Variants in PCDH15 observed in about 807,000 individuals in gnomAD.
PCDH15 encodes the protein protocadherin related 15, also known as protocadherin-15.
In PCDH15, 129 loss-of-function variants were observed where a neutral mutation model predicts 178.5. The ratio of observed to expected loss-of-function variants is 0.72; its 90% CI spans 0.63 to 0.84. The LOEUF (loss-of-function observed/expected upper bound fraction) is 0.84. Among genes scored for constraint, PCDH15 ranks in the 40% least tolerant of loss-of-function variants. The pLI, the probability that PCDH15 is intolerant of heterozygous loss-of-function variation, is 0.00. For missense variants in PCDH15, 2,230 were observed against 2,099.9 expected (o/e 1.06, Z -1.21); for synonymous variants, 800 against 732.0 (o/e 1.09, Z -1.50).
intron 2 of PCDH15, among the ~76,000 whole-genome samples, chr10:54,632,041 G>A (rs1016354524): frequency 1.3e-5 from 2 of 152,008 alleles, no homozygotes; most frequent in African/African-American, 2.4e-5. Context: ...CAACCTAAGT[G>A]TCCATAGATT....
intron 2 of PCDH15, among the ~76,000 whole-genome samples, chr10:55,435,436 G>A (rs1238982651): frequency 6.6e-6 from 1 of 152,092 alleles, no homozygotes; most frequent in Non-Finnish European, 1.5e-5. Flanking sequence ...ACAAATTAGT[G>A]AGAACATTTG....
rs1322691427 is a variant in PCDH15 at position 55,591,206 on chromosome 10, T to C, written c.-156+36419A>G. On this transcript the variant is annotated intron_variant, in intron 2 of 5. Coordinates refer to the PCDH15 transcript ENST00000613346. ...CTGGTGTGGTGGCTCACACCTGTCA[T>C]CCCAGCTCCTGAGTCCAGAAGTTTG... 2.0e-5 allele frequency among the ~76,000 whole-genome samples: 3 copies of C among 152,066 alleles called. No individual in the cohort carries two copies. In the East Asian group the frequency reaches 5.8e-4, roughly 29 times the overall value.
chr10:54,346,608 C>T, intron 5 of PCDH15, 124 bp from the exon 6 acceptor site: 1 of 1,070,828 alleles, frequency 9.3e-7, no homozygotes, highest in Non-Finnish European at 1.4e-6. Context: ...CCCACAACCA[C>T]AAACTGAAGT....
chr10:54,245,951 A>G (rs977170454), intron 8 of PCDH15, among the ~76,000 whole-genome samples: 1 of 151,970 alleles, frequency 6.6e-6, no homozygotes, highest in African/African-American at 2.4e-5. Context: ...ATAAATCAAT[A>G]GTTCACAGTC....
At chr10:54,041,591 C>T (rs921415588) in intron 18 of PCDH15, among the ~76,000 whole-genome samples, 1 of 152,004 alleles carries the variant, frequency 6.6e-6, no homozygotes, top group African/African-American at 2.4e-5. Flanking sequence ...TTTAACCCGG[C>T]CTCCTGAAAA....
At chr10:55,608,659 T>C (rs1268698672) in intron 2 of PCDH15, among the ~76,000 whole-genome samples, 1 of 151,950 alleles carries the variant, frequency 6.6e-6, no homozygotes, top group East Asian at 2.0e-4. Flanking sequence ...AAGAAGACTT[T>C]AATCAGGTGC....
At chr10:55,413,571 G>A (rs1023664915) in intron 2 of PCDH15, among the ~76,000 whole-genome samples, 1 of 151,358 alleles carries the variant, frequency 6.6e-6, no homozygotes, top group Admixed American at 6.6e-5. Flanking sequence ...ATCTATCTAT[G>A]TATTTTTTTC....
intron 1 of PCDH15, among the ~76,000 whole-genome samples, chr10:54,752,476 C>CAAAAAAAAAAAAAA (rs755874514): frequency 7.8e-5 from 7 of 89,688 alleles, no homozygotes; most frequent in Non-Finnish European, 1.2e-4. Flanking sequence ...GACTCCGTCT[C>CAAAAAAAAAAAAAA]AAAAAAAAAA....
chr10:54,672,603 A>C (rs1489876661), intron 1 of PCDH15, among the ~76,000 whole-genome samples: 3 of 152,202 alleles, frequency 2.0e-5, no homozygotes, highest in African/African-American at 7.2e-5. Flanking sequence ...TCCAGACAAC[A>C]GCCCTCAGTC....
At chr10:54,484,605 TA>T (rs2078966332) in intron 3 of PCDH15, among the ~76,000 whole-genome samples, 1 of 152,006 alleles carries the variant, frequency 6.6e-6, no homozygotes, top group Non-Finnish European at 1.5e-5. Flanking sequence ...CAAGCCACAT[TA>T]ATGAATTGAG....
chr10:54,718,277 A>C (rs922708633), intron 1 of PCDH15, among the ~76,000 whole-genome samples: 1 of 152,080 alleles, frequency 6.6e-6, no homozygotes, highest in Admixed American at 6.6e-5. Context: ...TAATAATAAA[A>C]AGAAAATGAG....
chr10:54,429,536 G>T (rs945784911), intron 3 of PCDH15, among the ~76,000 whole-genome samples: 1 of 151,854 alleles, frequency 6.6e-6, no homozygotes, highest in Non-Finnish European at 1.5e-5. Flanking sequence ...ACACAGAATG[G>T]CTATGGCTGA....
intron 21 of PCDH15, among the ~76,000 whole-genome samples, chr10:53,970,336 A>G (rs940881857): frequency 1.1e-4 from 16 of 152,202 alleles, no homozygotes; most frequent in African/African-American, 2.9e-4. Context: ...TGCACCCAAT[A>G]CAGGAGCACC....
intron 15 of PCDH15, among the ~76,000 whole-genome samples, chr10:54,124,832 C>G (rs1013415566): frequency 2.0e-5 from 3 of 152,112 alleles, no homozygotes; most frequent in Admixed American, 6.5e-5. Flanking sequence ...ATTTCTAGAA[C>G]CTTTCAAAGA....
chr10:54,167,145 G>C (rs191402463), intron 13 of PCDH15, among the ~76,000 whole-genome samples: 1 of 152,118 alleles, frequency 6.6e-6, no homozygotes. Flanking sequence ...GCCGTGACTC[G>C]GATCGGGGGA....
At chr10:53,823,901 G>A in intron 32 of PCDH15, 1 of 396,072 alleles carries the variant, frequency 2.5e-6, no homozygotes, top group Non-Finnish European at 5.3e-6. Flanking sequence ...ATGGGAGTTT[G>A]TCTCACAGCC....
At chr10:54,162,292 A>G (rs1030926550) in intron 13 of PCDH15, among the ~76,000 whole-genome samples, 2 of 152,140 alleles carry the variant, frequency 1.3e-5, no homozygotes, top group African/African-American at 2.4e-5. Flanking sequence ...AGACTTTACT[A>G]TCAACTCCAT....
At chr10:54,069,362 T>C (rs892419953) in intron 17 of PCDH15, among the ~76,000 whole-genome samples, 2 of 152,194 alleles carry the variant, frequency 1.3e-5, no homozygotes. Flanking sequence ...CTTAAGTGGA[T>C]AATGAAGAAT....
At chr10:54,816,456 A>G (rs1439306860) in intron 3 of PCDH15, among the ~76,000 whole-genome samples, 2 of 152,080 alleles carry the variant, frequency 1.3e-5, no homozygotes, top group Non-Finnish European at 2.9e-5. Flanking sequence ...TTCATAGCAC[A>G]AGAAAGCCAA....
Sources: gnomAD v4.1 joint callset for allele counts (sites outside exome capture counted in the v4.1 genomes callset) on GRCh38, gnomAD v4.1.1 for gene constraint, MANE v1.5 for transcripts, NCBI Gene and HGNC (gene_info 2026-07-23, HGNC 2026-07-21) for gene names.